Variants in EFCAB5 observed in about 807,000 individuals in gnomAD.
EFCAB5 encodes EF-hand calcium-binding domain-containing protein 5.
Under a neutral mutation model 167.9 loss-of-function variants are expected in EFCAB5, and 131 were observed. The observed-to-expected ratio is 0.78, with a 90% CI of 0.68 to 0.90. The LOEUF (loss-of-function observed/expected upper bound fraction) is 0.90. Among genes scored for constraint, EFCAB5 ranks in the 40% least tolerant of loss-of-function variants. The pLI, the probability that EFCAB5 is intolerant of heterozygous loss-of-function variation, is 0.00. For synonymous variants in EFCAB5, 574 were observed against 602.8 expected (o/e 0.95, Z 0.70); for missense variants, 1,663 against 1,745.2 (o/e 0.95, Z 0.84).
rs1276985800 is a variant in EFCAB5 at position 30,034,212 on chromosome 17, C to T, written c.1045-18C>T. The T allele has an allele frequency of 6.2e-7, 1 of 1,609,812 alleles. No homozygotes were observed. The highest frequency in any genetic ancestry group is 8.5e-7 in the Non-Finnish European group (1 of 1,177,746). ...TGGTTTTAAGTCAATCGTTTATCCT[C>T]TTTTTTTTCCCCTGTAGTACATCTC... On this transcript the variant is annotated intron_variant, in intron 7 of 22. Coordinates refer to ENST00000394835, the MANE Select transcript of EFCAB5 (RefSeq NM_198529.4).
chr17:30,039,459 T>C (rs1597711000), intron 8 of EFCAB5, among the ~76,000 whole-genome samples: 1 of 152,232 alleles, frequency 6.6e-6, no homozygotes, highest in Non-Finnish European at 1.5e-5. Flanking sequence ...GCTTGCCTTG[T>C]TATACCTTGT....
chr17:30,024,343 A>G (rs2151714653), intron 7 of EFCAB5, among the ~76,000 whole-genome samples: 1 of 152,348 alleles, frequency 6.6e-6, no homozygotes, highest in African/African-American at 2.4e-5. Flanking sequence ...GTCTCAGGAT[A>G]CAAAATCAAT....
At chr17:30,048,620 A>C (rs2069995711) in intron 8 of EFCAB5, among the ~76,000 whole-genome samples, 1 of 151,560 alleles carries the variant, frequency 6.6e-6, no homozygotes, top group African/African-American at 2.4e-5. Context: ...TCAGCCTCCC[A>C]AGTAGTTAGG....
chr17:30,040,057 T>C lies in EFCAB5; in HGVS notation c.1200+5672T>C, dbSNP rs570597607. On this transcript the variant is annotated intron_variant, in intron 8 of 22. Coordinates refer to ENST00000394835, the MANE Select transcript of EFCAB5 (RefSeq NM_198529.4). ...GCACTTTAAGCAAAAGTGACTGTTATGCTTGTGTGCACAGTAGGCCAGAGG... is the reference window on the plus strand; with the variant it reads ...GCACTTTAAGCAAAAGTGACTGTTACGCTTGTGTGCACAGTAGGCCAGAGG... 1.2e-4 allele frequency among the ~76,000 whole-genome samples: 19 copies of C among 152,370 alleles called. No homozygotes were observed. In the East Asian group the frequency reaches 2.1e-3, roughly 17 times the overall value.
intron 8 of EFCAB5, among the ~76,000 whole-genome samples, chr17:30,048,508 T>C (rs2069991277): frequency 6.6e-6 from 1 of 151,834 alleles, no homozygotes; most frequent in East Asian, 1.9e-4. Context: ...TTTTTTTTCT[T>C]TTGTGAGACA....
intron 20 of EFCAB5, 146 bp from the exon 21 acceptor site, chr17:30,091,725 T>G: frequency 1.1e-5 from 9 of 842,094 alleles, no homozygotes; most frequent in South Asian, 2.5e-5. Flanking sequence ...CTAAAGAAAC[T>G]GAGATTGTTT....
Position 29,980,941 on chromosome 17 carries a change from T to A in EFCAB5, c.767+11574T>A, listed in dbSNP as rs141046342. Among the ~76,000 whole-genome samples the A allele has an allele frequency of 3.3e-4, 50 of 152,324 alleles. No individual in the cohort carries two copies. In the East Asian group the frequency reaches 8.3e-3, roughly 25 times the overall value. ...ATGATCTCTCACTGTTCATTTCTAG[T>A]CAGTCATTAAGTCCTGGTGATTTCA... On this transcript the variant is annotated intron_variant, in intron 4 of 22. Transcript: ENST00000394835.
At chr17:30,045,308 A>G (rs142328625) in intron 8 of EFCAB5, among the ~76,000 whole-genome samples, 31 of 152,100 alleles carry the variant, frequency 2.0e-4, no homozygotes, top group South Asian at 4.2e-4. Context: ...AATACAAAAA[A>G]TTAGCCAGGT....
At chr17:30,073,851 A>G in intron 14 of EFCAB5, 1 of 421,014 alleles carries the variant, frequency 2.4e-6, no homozygotes. Context: ...GCTTGAGCCC[A>G]GGAGTTCAAG....
chr17:30,048,510 T>C (rs2069991378), intron 8 of EFCAB5, among the ~76,000 whole-genome samples: 1 of 151,852 alleles, frequency 6.6e-6, no homozygotes. Context: ...TTTTTTCTTT[T>C]GTGAGACAGA....
intron 18 of EFCAB5, among the ~76,000 whole-genome samples, chr17:30,083,892 A>G (rs988643610): frequency 6.6e-6 from 1 of 152,218 alleles, no homozygotes; most frequent in African/African-American, 2.4e-5. Context: ...GGACTCAGTT[A>G]TATGACACCG....
chr17:30,053,590 C>T lies in EFCAB5; in HGVS notation c.1636C>T (p.Pro546Ser), dbSNP rs1273406289. Residue 546 changes from proline to serine, a missense_variant, in exon 10 of 23, where the codon CCA becomes TCA. Coordinates refer to ENST00000394835, the MANE Select transcript of EFCAB5 (RefSeq NM_198529.4). ...ACTGTACATAGAATCAGTAATAGAA[C>T]CAGGAACACACACAGAGTCAACTCT... ...QELYIESVIE[P>S]GTHTESTLEQ... The T allele has an allele frequency of 8.1e-6, 13 of 1,613,848 alleles. No individual in the cohort carries two copies. The highest frequency in any genetic ancestry group is 1.1e-5 in the Non-Finnish European group (13 of 1,179,874).
chr17:30,069,803 C>G (rs561568056), intron 14 of EFCAB5, among the ~76,000 whole-genome samples: 9 of 152,292 alleles, frequency 5.9e-5, no homozygotes, highest in African/African-American at 1.9e-4. Context: ...GACATATTCC[C>G]CAAAAAGGGA....
At position 30,053,765 on chromosome 17, in the gene EFCAB5, C is replaced by A. The variant is rs2070172664; in HGVS notation, c.1811C>A (p.Ala604Glu). ...SEQGSSRESV[A>E]EQGSRRESIA... ...CAAGGATCAAGCAGAGAGTCAGTTG[C>A]AGAACAAGGGTCACGCAGAGAGTCT... The change falls in exon 10 of 23, where the codon GCA becomes GAA. Residue 604 changes from alanine (A) to glutamate (E), a missense_variant. By Grantham distance (107) the Ala-to-Glu change is moderately radical (BLOSUM62 -1). Coordinates refer to ENST00000394835, the MANE Select transcript of EFCAB5 (RefSeq NM_198529.4). The A allele has an allele frequency of 6.2e-7, 1 of 1,613,850 alleles. No homozygotes were observed. The highest frequency in any genetic ancestry group is 2.2e-5 in the East Asian group (1 of 44,870).
chr17:29,943,615 G>T lies in EFCAB5; in HGVS notation c.156G>T (p.Val52=). 1 of 1,585,022 alleles carries T rather than the reference G, an allele frequency of 6.3e-7. No individual in the cohort carries two copies. Among genetic ancestry groups the T allele is most frequent in the South Asian group, 1.2e-5 (1 of 86,310 alleles). The part of the protein sequence containing the change: ...DVPVKEDTNS[V]VEKAMDEIKS... ...CTGTAAAAGAGGACACCAACAGTGTGGTGGAGAAAGCAATGGATGAAATCA... is the reference window on the plus strand; with the variant it reads ...CTGTAAAAGAGGACACCAACAGTGTTGTGGAGAAAGCAATGGATGAAATCA... Residue 52 remains valine (V), a synonymous_variant, in exon 3 of 23, where the codon GTG becomes GTT. Transcript: ENST00000394835.
At chr17:30,025,811 C>T (rs2069303590) in intron 7 of EFCAB5, among the ~76,000 whole-genome samples, 1 of 152,148 alleles carries the variant, frequency 6.6e-6, no homozygotes, top group Admixed American at 6.5e-5. Context: ...AAATGTGGCA[C>T]ATATACACCA....
intron 1 of EFCAB5, chr17:29,929,917 C>A (rs369553394): frequency 6.3e-7 from 1 of 1,578,938 alleles, no homozygotes; most frequent in Non-Finnish European, 8.6e-7. Flanking sequence ...GCAAGCGGAG[C>A]GGCCGCCAGG....
intron 4 of EFCAB5, among the ~76,000 whole-genome samples, chr17:29,987,281 A>C (rs1209586324): frequency 6.6e-6 from 1 of 152,062 alleles, no homozygotes; most frequent in Non-Finnish European, 1.5e-5. Context: ...GTCAGTCTTG[A>C]TATGTCTGCA....
chr17:29,991,746 C>T (rs1372671988), intron 4 of EFCAB5, among the ~76,000 whole-genome samples: 1 of 152,176 alleles, frequency 6.6e-6, no homozygotes, highest in African/African-American at 2.4e-5. Flanking sequence ...TTTGGGGGGC[C>T]TGTTCCCAAC....
Sources: allele counts gnomAD v4.1 joint callset (sites outside exome capture counted in the v4.1 genomes callset), GRCh38; gene constraint gnomAD v4.1.1; transcripts MANE v1.5; gene names NCBI Gene and HGNC (gene_info 2026-07-23, HGNC 2026-07-21).